GALNT18: variants seen among roughly 807,000 people sequenced by gnomAD.
GALNT18 encodes the protein GalNAc-transferase 18.
In GALNT18, 44 loss-of-function variants were observed where a neutral mutation model predicts 69.5. The ratio of observed to expected loss-of-function variants is 0.63; its 90% CI spans 0.50 to 0.81. The LOEUF is 0.81. Among genes scored for constraint, GALNT18 ranks in the 40% least tolerant of loss-of-function variants. The probability of loss-of-function intolerance (pLI) is 0.00; values close to 1 mark genes in which losing one functional copy is unlikely to be tolerated. For missense variants in GALNT18, 715 were observed against 810.0 expected, an observed-to-expected ratio of 0.88 and a Z score of 1.42; for synonymous variants, 364 against 318.2, an observed-to-expected ratio of 1.14 and a Z score of -1.53.
At chr11:11,276,483 A>G (rs1848950170) in intron 10 of GALNT18, among the ~76,000 whole-genome samples, 1 of 152,182 alleles carries the variant, frequency 6.6e-6, no homozygotes, top group Non-Finnish European at 1.5e-5. Flanking sequence ...AACAGAGGCA[A>G]TTTGACTTCC....
chr11:11,578,711 G>A (rs929620455), intron 1 of GALNT18, among the ~76,000 whole-genome samples: 15 of 152,354 alleles, frequency 9.8e-5, no homozygotes, highest in Middle Eastern at 3.4e-3. Context: ...CCTCCTGTGC[G>A]CAGGACAAAT....
intron 1 of GALNT18, among the ~76,000 whole-genome samples, chr11:11,534,852 TTGA>T (rs1857739808): frequency 6.6e-6 from 1 of 152,226 alleles, no homozygotes; most frequent in Admixed American, 6.5e-5. Flanking sequence ...CTGGATTCTG[TTGA>T]TGTTCCTGGT....
intron 6 of GALNT18, among the ~76,000 whole-genome samples, chr11:11,362,530 T>C (rs1232373002): frequency 6.6e-6 from 1 of 152,126 alleles, no homozygotes; most frequent in Non-Finnish European, 1.5e-5. Context: ...GGGCCAAAGA[T>C]ACGAACAGCT....
At chr11:11,426,360 G>A (rs563527544) in intron 3 of GALNT18, among the ~76,000 whole-genome samples, 1 of 152,300 alleles carries the variant, frequency 6.6e-6, no homozygotes, top group South Asian at 2.1e-4. Flanking sequence ...TGAGGCGGAG[G>A]CAGCTGTCCC....
chr11:11,424,542 G>A (rs936811344), intron 3 of GALNT18, among the ~76,000 whole-genome samples: 3 of 152,176 alleles, frequency 2.0e-5, no homozygotes, highest in Non-Finnish European at 4.4e-5. Flanking sequence ...AAAATTGACA[G>A]AATGACTACG....
In GALNT18 at chr11:11,498,774, G is replaced by A. The variant is rs56124131; in HGVS notation, c.236-49838C>T. ...AGATCATGCCACTGCACTCCAGCCT[G>A]GGCAACAGAGTGAGACTCCATCTCA... On this transcript the variant is annotated intron_variant, in intron 1 of 10. Transcript: ENST00000227756. 4.2e-3 allele frequency among the ~76,000 whole-genome samples: 642 copies of A among 152,262 alleles called. 7 individuals are homozygous for A. The highest frequency in any genetic ancestry group is 0.015 in the African/African-American group (612 of 41,546).
chr11:11,323,512 G>A (rs1277996867), intron 9 of GALNT18, among the ~76,000 whole-genome samples: 1 of 152,228 alleles, frequency 6.6e-6, no homozygotes, highest in Non-Finnish European at 1.5e-5. Context: ...GTCCACTGGG[G>A]TGCCAGCATC....
At chr11:11,495,617 T>C (rs1856853739) in intron 1 of GALNT18, among the ~76,000 whole-genome samples, 2 of 152,174 alleles carry the variant, frequency 1.3e-5, no homozygotes, top group African/African-American at 4.8e-5. Flanking sequence ...TCAAGCAGAC[T>C]TTAAAAACAT....
At chr11:11,390,571 G>A (rs1439472501) in intron 3 of GALNT18, among the ~76,000 whole-genome samples, 1 of 152,170 alleles carries the variant, frequency 6.6e-6, no homozygotes, top group Non-Finnish European at 1.5e-5. Flanking sequence ...CAGGCTGTGT[G>A]ACCAGGGGCC....
At position 11,469,411 on chromosome 11, in the gene GALNT18, G is replaced by A. The variant is rs1020816343; in HGVS notation, c.236-20475C>T. ...TGTTGTTATGGCTATGTCTTTTACAGGGTCCAGTACAGATCTCCATGGCAG... is the reference window on the plus strand; with the variant it reads ...TGTTGTTATGGCTATGTCTTTTACAAGGTCCAGTACAGATCTCCATGGCAG... On this transcript the variant is annotated intron_variant, in intron 1 of 10. Coordinates refer to ENST00000227756, the MANE Select transcript of GALNT18 (RefSeq NM_198516.3). This position sits in a 1 kb window ranked among gnomAD's most constrained non-coding sequence, Gnocchi z 4.2. 3.3e-5 allele frequency among the ~76,000 whole-genome samples: 5 copies of A among 152,170 alleles called. No homozygotes were observed. The highest frequency in any genetic ancestry group is 1.3e-4 in the Admixed American group (2 of 15,280).
intron 1 of GALNT18, among the ~76,000 whole-genome samples, chr11:11,510,518 C>T (rs1208950643): frequency 1.3e-5 from 2 of 152,170 alleles, no homozygotes; most frequent in Non-Finnish European, 2.9e-5. Flanking sequence ...TCCCTTAGAA[C>T]ACAAACTATA....
chr11:11,400,908 C>T (rs1191862404), intron 3 of GALNT18, among the ~76,000 whole-genome samples: 2 of 152,088 alleles, frequency 1.3e-5, no homozygotes, highest in Admixed American at 1.3e-4. Context: ...GTTACTGATC[C>T]AAAGAGTGTT....
chr11:11,494,957 A>T lies in GALNT18; in HGVS notation c.236-46021T>A, dbSNP rs918667049. On this transcript the variant is annotated intron_variant, in intron 1 of 10. Coordinates refer to ENST00000227756, the MANE Select transcript of GALNT18 (RefSeq NM_198516.3). This position sits in a 1 kb window ranked among gnomAD's most constrained non-coding sequence, Gnocchi z 5.7. The stretch of plus-strand genomic sequence containing the variant: ...CAATCACATGCTCTGTGATTTGAGC[A>T]TATAAATGTAGAAGCCCAGCATGAA... 3.9e-5 allele frequency among the ~76,000 whole-genome samples: 6 copies of T among 152,186 alleles called. No individual in the cohort carries two copies. Among genetic ancestry groups the T allele is most frequent in the Admixed American group, 3.9e-4 (6 of 15,282 alleles).
Position 11,337,427 on chromosome 11 carries a change from C to G in GALNT18, c.1278+3392G>C, listed in dbSNP as rs11021808. Among the ~76,000 whole-genome samples, 1 of 152,136 alleles carries G rather than the reference C, an allele frequency of 6.6e-6. No individual in the cohort carries two copies. The highest frequency in any genetic ancestry group is 1.5e-5 in the Non-Finnish European group (1 of 68,028). On this transcript the variant is annotated intron_variant, in intron 7 of 10. Coordinates refer to ENST00000227756, the MANE Select transcript of GALNT18 (RefSeq NM_198516.3). This position sits in a 1 kb window ranked among gnomAD's most constrained non-coding sequence, Gnocchi z 4.9. Reference sequence around the variant, plus strand: ...TGAAGAACTTTCCCAAAAAACAGATCCCAGAGGCCCCTTCCAAACCAGTTA... The same window carrying G: ...TGAAGAACTTTCCCAAAAAACAGATGCCAGAGGCCCCTTCCAAACCAGTTA...
Position 11,314,963 on chromosome 11 carries a change from C to G in GALNT18, c.1512+12123G>C, listed in dbSNP as rs1449162011. Among the ~76,000 whole-genome samples the G allele has an allele frequency of 6.6e-6, 1 of 152,018 alleles. No individual in the cohort carries two copies. Among genetic ancestry groups the G allele is most frequent in the Non-Finnish European group, 1.5e-5 (1 of 68,022 alleles). On this transcript the variant is annotated intron_variant, in intron 9 of 10. Transcript: ENST00000227756. The surrounding 1 kb of genome is among the most constrained non-coding windows in gnomAD (Gnocchi z 5.2). ...CATGTTTGAGCCAAATGAGGATAAG[C>G]TGGCAAGGTGGTTTTAAGATTACAT... is the stretch of plus-strand genomic sequence containing the variant.
intron 3 of GALNT18, among the ~76,000 whole-genome samples, chr11:11,431,370 T>C (rs998150037): frequency 1.3e-5 from 2 of 152,080 alleles, no homozygotes; most frequent in Admixed American, 6.6e-5. Flanking sequence ...TAGGCGCCCG[T>C]TTTTTGGGTC....
At position 11,387,797 on chromosome 11, in the gene GALNT18, T is replaced by A. The variant is rs1412081343; in HGVS notation, c.596-8533A>T. Among the ~76,000 whole-genome samples the A allele has an allele frequency of 6.6e-6, 1 of 152,156 alleles. No homozygotes were observed. The highest frequency in any genetic ancestry group is 1.5e-5 in the Non-Finnish European group (1 of 68,040). On this transcript the variant is annotated intron_variant, in intron 3 of 10. Transcript: ENST00000227756. This position sits in a 1 kb window ranked among gnomAD's most constrained non-coding sequence, Gnocchi z 4.6. ...GAGTGGGGGCTCAGGACTCAGATGG[T>A]CCTGCTGATGAATGATGGTGAGCCT...
At chr11:11,567,839 A>T (rs1858689958) in intron 1 of GALNT18, among the ~76,000 whole-genome samples, 1 of 152,230 alleles carries the variant, frequency 6.6e-6, no homozygotes, top group African/African-American at 2.4e-5. Flanking sequence ...TAAACATCCT[A>T]TATACCTAGG....
chr11:11,330,278 A>G (rs1849995575), intron 8 of GALNT18, among the ~76,000 whole-genome samples: 1 of 152,214 alleles, frequency 6.6e-6, no homozygotes, highest in Admixed American at 6.5e-5. Context: ...CAGAAAAAGG[A>G]AAAAGAAATT....
Sources: gnomAD v4.1 joint callset for allele counts (sites outside exome capture counted in the v4.1 genomes callset) on GRCh38, gnomAD v4.1.1 for gene constraint, Gnocchi (gnomAD v3.1) non-coding constraint, MANE v1.5 for transcripts, NCBI Gene and HGNC (gene_info 2026-07-23, HGNC 2026-07-21) for gene names.